The following FRMPD3 variants were observed in gnomAD, a reference collection of about 807,000 sequenced individuals.
FRMPD3 encodes FERM and PDZ domain containing 3, also known as FERM and PDZ domain-containing protein 3.
A neutral mutation model predicts 97.9 loss-of-function variants in FRMPD3; 42 were observed. The observed-to-expected ratio is 0.43, with a 90% CI of 0.34 to 0.55. The LOEUF (loss-of-function observed/expected upper bound fraction) is 0.55, where lower values mean the gene tolerates loss of function less well. Among genes scored for constraint, FRMPD3 ranks in the 20% least tolerant of loss-of-function variants. The pLI is 0.03. For synonymous variants in FRMPD3, 577 were observed against 581.1 expected, an observed-to-expected ratio of 0.99 and a Z score of 0.10; for missense variants, 1,303 against 1,457.7, an observed-to-expected ratio of 0.89 and a Z score of 1.73.
intron 3 of FRMPD3, among the ~76,000 whole-genome samples, chrX:107,531,302 T>C (rs990929593): frequency 1.1e-4 from 12 of 110,199 alleles, no homozygotes; most frequent in African/African-American, 4.0e-4. Context: ...AATGGAACCA[T>C]GTACATGCTC....
At chrX:107,465,951 T>C (rs189474993) in intron 1 of FRMPD3, among the ~76,000 whole-genome samples, 244 of 112,355 alleles carry the variant, frequency 2.2e-3, no homozygotes, top group African/African-American at 7.8e-3. Flanking sequence ...CTTAGAGCTT[T>C]GTAATGCACA....
chrX:107,471,227 C>T, intron 1 of FRMPD3, among the ~76,000 whole-genome samples: 1 of 111,459 alleles, frequency 9.0e-6, no homozygotes, highest in Non-Finnish European at 1.9e-5. Flanking sequence ...CTGCCGCAGT[C>T]GCAGTGTCTG....
intron 1 of FRMPD3, among the ~76,000 whole-genome samples, chrX:107,478,918 G>A (rs1921268785): frequency 9.0e-6 from 1 of 111,399 alleles, no homozygotes; most frequent in Non-Finnish European, 1.9e-5. Flanking sequence ...TAGTGCTAGA[G>A]GTGGAGAATG....
chrX:107,560,730 G>T lies in FRMPD3; in HGVS notation c.903G>T (p.Lys301Asn). 8.6e-7 allele frequency: 1 copy of T among 1,163,448 alleles called. No homozygotes were observed. The highest frequency in any genetic ancestry group is 1.1e-6 in the Non-Finnish European group (1 of 871,701). Residue 301 changes from lysine (K) to asparagine (N), a missense_variant, in exon 10 of 15, where the codon AAG (lysine) becomes AAT (asparagine). Physicochemically the swap from Lys to Asn is moderately conservative, Grantham distance 94. Around this residue, in one of 3 missense-constraint regions of FRMPD3, gnomAD observed 535 missense variants for 618.6 expected, o/e 0.86. Coordinates refer to ENST00000683843, the MANE Select transcript of FRMPD3 (RefSeq NM_001388459.1). ...CTTACTTTTCTTCTGCTTTTAGGAA[G>T]GAGTGGGGCCTGGAACCCTTTCTTC... ...SQKISLKNVEKEWGLEPFLPP... is the reference protein window; with the variant it reads ...SQKISLKNVENEWGLEPFLPP...
At chrX:107,472,152 T>G (rs1921079954) in intron 1 of FRMPD3, among the ~76,000 whole-genome samples, 1 of 112,517 alleles carries the variant, frequency 8.9e-6, no homozygotes, top group East Asian at 2.8e-4. Flanking sequence ...GGTTGATTTT[T>G]TCTCATAAAT....
chrX:107,494,106 A>G (rs1329541682), intron 1 of FRMPD3, among the ~76,000 whole-genome samples: 2 of 111,926 alleles, frequency 1.8e-5, no homozygotes, highest in East Asian at 2.8e-4. Context: ...CTACACCATT[A>G]GGCCCCTAGG....
At chrX:107,533,655 C>A in intron 4 of FRMPD3, 105 bp downstream of exon 4, 1 of 687,973 alleles carries the variant, frequency 1.5e-6, no homozygotes, top group South Asian at 2.5e-5. Flanking sequence ...GAGACTACAA[C>A]CAACATATGA....
Position 107,526,535 on chromosome X carries a change from T to C in FRMPD3, c.-7-47T>C, listed in dbSNP as rs777014236. ...ATCTCTCCCTGCTGGTTCTGAGGCTTAGTTCCCTGTGCATCTTGTTTTGCT... is the reference window on the plus strand; with the variant it reads ...ATCTCTCCCTGCTGGTTCTGAGGCTCAGTTCCCTGTGCATCTTGTTTTGCT... On this transcript the variant is annotated intron_variant, in intron 1 of 14. Coordinates refer to ENST00000683843, the MANE Select transcript of FRMPD3 (RefSeq NM_001388459.1). 1.7e-5 allele frequency: 19 copies of C among 1,131,912 alleles called. No homozygotes were observed. In the East Asian group the frequency reaches 5.5e-4, roughly 32 times the overall value. 93.3% of individuals were successfully genotyped at this position (1,131,912 alleles called of 1,213,427 possible).
At position 107,450,957 on chromosome X, in the gene FRMPD3, G is replaced by A. The variant is rs771935306; in HGVS notation, c.-8+952G>A. Among the ~76,000 whole-genome samples the A allele has an allele frequency of 3.7e-5, 4 of 108,277 alleles. No individual in the cohort carries two copies. The East Asian group carries it at 8.9e-4, about 24-fold the overall frequency. 94.0% of individuals were successfully genotyped at this position (108,277 alleles called of 115,157 possible). On this transcript the variant is annotated intron_variant, in intron 1 of 14. Coordinates refer to ENST00000683843, the MANE Select transcript of FRMPD3 (RefSeq NM_001388459.1). Reference sequence around the variant, plus strand: ...TAAGAACCCCATTCTGGCAAAAAGCGTGCCCAACTCTGGTAGTCATACCCT... The same window carrying A: ...TAAGAACCCCATTCTGGCAAAAAGCATGCCCAACTCTGGTAGTCATACCCT...
rs372069419 is a variant in FRMPD3, at chrX:107,545,571, C to T, written c.298-166C>T. On this transcript the variant is annotated intron_variant, in intron 4 of 14. Coordinates refer to ENST00000683843, the MANE Select transcript of FRMPD3 (RefSeq NM_001388459.1). ...AGAACACACCAATTACATAGGGAAG[C>T]ATTTAGCACATTGCCTTGCAACTAA... 11 of 415,850 alleles carry T rather than the reference C, an allele frequency of 2.6e-5. No individual in the cohort carries two copies. The East Asian group carries it at 3.2e-4, about 12-fold the overall frequency. The allele number at this position is 415,850 out of a possible 1,213,427, so 34.3% of individuals were successfully genotyped here. A position where few individuals can be genotyped will look rare whatever the true frequency, so the allele number is the denominator to read the frequency against.
chrX:107,520,510 A>C (rs1047100895), intron 1 of FRMPD3, among the ~76,000 whole-genome samples: 3 of 110,272 alleles, frequency 2.7e-5, no homozygotes, highest in Non-Finnish European at 5.7e-5. Flanking sequence ...ACACACAAAA[A>C]TTAGCCAGGC....
chrX:107,590,453 T>C (rs1208286110), intron 13 of FRMPD3, among the ~76,000 whole-genome samples: 1 of 112,852 alleles, frequency 8.9e-6, no homozygotes, highest in African/African-American at 3.2e-5. Flanking sequence ...TCAAGTATGA[T>C]GTTAGCTGTG....
chrX:107,566,391 G>T (rs945093900), intron 12 of FRMPD3, among the ~76,000 whole-genome samples: 4 of 112,623 alleles, frequency 3.6e-5, no homozygotes, highest in Admixed American at 1.9e-4. Context: ...ATTCCCATTG[G>T]TTTAGGAACT....
chrX:107,522,580 G>A (rs1171822950), intron 1 of FRMPD3: 1 of 439,835 alleles, frequency 2.3e-6, no homozygotes. Context: ...CTGTGGGTCT[G>A]TGCCTCTTCA....
intron 1 of FRMPD3, among the ~76,000 whole-genome samples, chrX:107,519,234 A>T (rs1461025379): frequency 8.9e-6 from 1 of 112,320 alleles, no homozygotes; most frequent in Non-Finnish European, 1.9e-5. Flanking sequence ...GGTGGTTCAC[A>T]CCTGTAATCC....
rs1307751105 is a variant in FRMPD3, at chrX:107,602,750, G to A, written c.4711G>A (p.Glu1571Lys). 5.0e-6 allele frequency: 6 copies of A among 1,209,692 alleles called. No homozygotes were observed. The highest frequency in any genetic ancestry group is 1.8e-5 in the South Asian group (1 of 56,867). ...QEIDLRVSTF[E>K]GSLAKINALR... ...GATTGACCTCCGTGTGTCCACCTTC[G>A]AGGGGAGCCTGGCCAAGATCAATGC... The change falls in exon 15 of 15, where the codon GAG becomes AAG. Residue 1571 changes from glutamate to lysine, a missense_variant. Glu to Lys is a moderately conservative substitution (Grantham distance 56). Transcript: ENST00000683843.
At chrX:107,560,004 T>C (rs1922273501) in intron 8 of FRMPD3, among the ~76,000 whole-genome samples, 1 of 107,795 alleles carries the variant, frequency 9.3e-6, no homozygotes, top group African/African-American at 3.4e-5. Flanking sequence ...CTGGACTGTC[T>C]GCTTGTACCT....
At chrX:107,589,384 G>A (rs750719418) in intron 13 of FRMPD3, among the ~76,000 whole-genome samples, 11 of 110,764 alleles carry the variant, frequency 9.9e-5, no homozygotes, top group African/African-American at 2.6e-4. Flanking sequence ...GGGGGTTCAC[G>A]TCAGGCCCTA....
intron 1 of FRMPD3, among the ~76,000 whole-genome samples, chrX:107,456,626 A>G (rs921374622): frequency 8.9e-6 from 1 of 112,259 alleles, no homozygotes; most frequent in East Asian, 2.8e-4. Flanking sequence ...TATGCCCTCA[A>G]TTGTCTCAAA....
Sources: allele counts gnomAD v4.1 joint callset (sites outside exome capture counted in the v4.1 genomes callset), GRCh38; gene constraint gnomAD v4.1.1; regional missense constraint gnomAD v4.1.1; transcripts MANE v1.5; gene names NCBI Gene and HGNC (gene_info 2026-07-23, HGNC 2026-07-21).